FTCDNL1: variants seen among roughly 807,000 people sequenced by gnomAD.
FTCDNL1 encodes formiminotransferase N-terminal subdomain-containing protein.
Under a neutral mutation model 5.9 loss-of-function variants are expected in FTCDNL1, and 11 were observed. That is an observed-to-expected ratio of 1.87 (90% confidence interval 1.18 to 3.10). FTCDNL1 has a LOEUF of 3.10. Among genes scored for constraint, FTCDNL1 ranks in the 30% most tolerant of loss-of-function variants. The pLI, the probability that FTCDNL1 is intolerant of heterozygous loss-of-function variation, is 0.00. For missense variants in FTCDNL1, 115 were observed against 65.5 expected (o/e 1.76, Z -2.61); for synonymous variants, 58 against 24.8 (o/e 2.34, Z -3.99).
rs151072287 is a variant in FTCDNL1 at position 199,837,862 on chromosome 2, A to G, written c.211+8213T>C. On this transcript the variant is annotated intron_variant, in intron 3 of 4. Transcript: ENST00000420128. ...TTGATACGGCATTGTGCAAACATTC[A>G]TTTGATCAATGACATGAAACAAAAA... 7.1e-3 allele frequency among the ~76,000 whole-genome samples: 1,083 copies of G among 152,304 alleles called. 16 individuals carry two copies. The highest frequency in any genetic ancestry group is 0.024 in the African/African-American group (995 of 41,556).
the FTCDNL1 span, among the ~76,000 whole-genome samples, chr2:199,753,308 A>G: frequency 2.6e-5 from 4 of 152,186 alleles, no homozygotes; most frequent in African/African-American, 9.7e-5. Context: ...CAGGTGAGGC[A>G]GCAGCAGGTG....
At chr2:199,703,829 A>G in the FTCDNL1 span, among the ~76,000 whole-genome samples, 1 of 152,142 alleles carries the variant, frequency 6.6e-6, no homozygotes, top group Admixed American at 6.5e-5. Context: ...TCTATAACAC[A>G]AAGTTAAATT....
the FTCDNL1 span, among the ~76,000 whole-genome samples, chr2:199,749,246 C>T: frequency 6.6e-6 from 1 of 152,170 alleles, no homozygotes; most frequent in Admixed American, 6.5e-5. Context: ...CCTAGGAGTT[C>T]CTGAGGGGGT....
At chr2:199,839,364 T>C (rs72924480) in intron 3 of FTCDNL1, among the ~76,000 whole-genome samples, 12,677 of 152,182 alleles carry the variant, frequency 0.083, 689 homozygotes, top group East Asian at 0.16. Flanking sequence ...TAAAAACTTA[T>C]GGAAGGCTGG....
chr2:199,682,390 A>G, the FTCDNL1 span, among the ~76,000 whole-genome samples: 1 of 152,264 alleles, frequency 6.6e-6, no homozygotes. Flanking sequence ...CTTAAATTAA[A>G]TCTCTTTCTA....
the FTCDNL1 span, among the ~76,000 whole-genome samples, chr2:199,708,138 C>A: frequency 2.6e-5 from 4 of 151,660 alleles, no homozygotes; most frequent in Non-Finnish European, 5.9e-5. Flanking sequence ...GTCTGCATGT[C>A]ATTTTGGATA....
chr2:199,724,596 T>C, the FTCDNL1 span, among the ~76,000 whole-genome samples: 4 of 152,336 alleles, frequency 2.6e-5, no homozygotes, highest in South Asian at 2.1e-4. Context: ...TTGTTCTCAC[T>C]AGTTTCAAAG....
chr2:199,778,986 C>CA (rs1183613515), intron 3 of FTCDNL1, among the ~76,000 whole-genome samples: 1 of 152,170 alleles, frequency 6.6e-6, no homozygotes, highest in African/African-American at 2.4e-5. Context: ...GAGGAACACT[C>CA]AGTCGTATCT....
At chr2:199,796,812 C>T (rs1700195697) in intron 3 of FTCDNL1, among the ~76,000 whole-genome samples, 1 of 151,926 alleles carries the variant, frequency 6.6e-6, no homozygotes, top group African/African-American at 2.4e-5. Context: ...TCCTTTCTGG[C>T]TCAGAAAACA....
At chr2:199,703,877 G>A in the FTCDNL1 span, among the ~76,000 whole-genome samples, 1 of 152,174 alleles carries the variant, frequency 6.6e-6, no homozygotes, top group South Asian at 2.1e-4. Flanking sequence ...ATATAAAAAT[G>A]AGCTAAAATG....
the FTCDNL1 span, among the ~76,000 whole-genome samples, chr2:199,695,913 G>T: frequency 6.6e-6 from 1 of 152,160 alleles, no homozygotes; most frequent in Non-Finnish European, 1.5e-5. Flanking sequence ...GGGCTATCTT[G>T]CCCATGGGAC....
chr2:199,715,654 A>G, the FTCDNL1 span, among the ~76,000 whole-genome samples: 518 of 152,288 alleles, frequency 3.4e-3, 3 homozygotes, highest in African/African-American at 0.012. Flanking sequence ...TAAATTATCC[A>G]TTGAAACATC....
the FTCDNL1 span, among the ~76,000 whole-genome samples, chr2:199,682,829 T>C: frequency 6.6e-6 from 1 of 152,242 alleles, no homozygotes; most frequent in Non-Finnish European, 1.5e-5. Context: ...CCTGTGCAGA[T>C]CTTTCATTAA....
chr2:199,752,700 T>C, the FTCDNL1 span, among the ~76,000 whole-genome samples: 16 of 152,162 alleles, frequency 1.1e-4, no homozygotes, highest in African/African-American at 3.4e-4. Context: ...TGTGTCTCTC[T>C]CTTGCTTTCA....
At chr2:199,759,147 A>G (rs1315392560), downstream of FTCDNL1, among the ~76,000 whole-genome samples, 1 of 151,816 alleles carries the variant, frequency 6.6e-6, no homozygotes, top group East Asian at 1.9e-4. Flanking sequence ...GTGTGTATAT[A>G]TATATATACA....
Position 199,851,145 on chromosome 2 carries a change from G to A in FTCDNL1, c.-413C>T, listed in dbSNP as rs928935107. ...CGCCGCCGCGCGTGGCCCGCGCGCA[G>A]CCTCCGCCGCCGCGCGTGGCCCGCG... On this transcript the variant is annotated 5_prime_UTR_variant, in exon 1 of 5. Transcript: ENST00000420128. 8.0e-5 allele frequency: 11 copies of A among 137,556 alleles called. No individual in the cohort carries two copies. Among genetic ancestry groups the A allele is most frequent in the African/African-American group, 3.0e-4 (10 of 32,870 alleles). 8.5% of individuals were successfully genotyped at this position (137,556 alleles called of 1,614,324 possible).
intron 3 of FTCDNL1, among the ~76,000 whole-genome samples, chr2:199,776,933 C>T (rs1261571002): frequency 6.7e-6 from 1 of 149,318 alleles, no homozygotes; most frequent in Non-Finnish European, 1.5e-5. Flanking sequence ...TATATACACA[C>T]ACACACACAC....
the FTCDNL1 span, among the ~76,000 whole-genome samples, chr2:199,753,142 A>G: frequency 6.6e-6 from 1 of 152,174 alleles, no homozygotes; most frequent in Non-Finnish European, 1.5e-5. Flanking sequence ...ACATATATAA[A>G]GGTATGTGGT....
intron 3 of FTCDNL1, among the ~76,000 whole-genome samples, chr2:199,769,194 C>T (rs956932308): frequency 3.9e-5 from 6 of 152,146 alleles, no homozygotes; most frequent in African/African-American, 1.4e-4. Flanking sequence ...CCCACAGGTG[C>T]TGACCTTCAC....
Sources: gnomAD v4.1 joint callset for allele counts (sites outside exome capture counted in the v4.1 genomes callset) on GRCh38, gnomAD v4.1.1 for gene constraint, MANE v1.5 for transcripts, NCBI Gene and HGNC (gene_info 2026-07-23, HGNC 2026-07-21) for gene names.